Variants in ARHGEF9 observed in about 807,000 individuals in gnomAD.
The protein encoded by ARHGEF9 is rho guanine nucleotide exchange factor 9.
In ARHGEF9, 2 loss-of-function variants were observed where a neutral mutation model predicts 41.3. The observed-to-expected ratio is 0.05, with a 90% CI of 0.02 to 0.15. The LOEUF (loss-of-function observed/expected upper bound fraction) is 0.15. Ranked by LOEUF, ARHGEF9 falls within the 10% of genes least tolerant of loss-of-function variation. The pLI is 1.00. For synonymous variants in ARHGEF9, 160 were observed against 154.4 expected, an observed-to-expected ratio of 1.04 and a Z score of -0.27; for missense variants, 225 against 424.7, an observed-to-expected ratio of 0.53 and a Z score of 4.13.
At chrX:63,667,628 A>T (rs1367417186) in intron 6 of ARHGEF9, among the ~76,000 whole-genome samples, 1 of 110,763 alleles carries the variant, frequency 9.0e-6, no homozygotes, top group East Asian at 2.9e-4. Flanking sequence ...ATTCGAGCAT[A>T]CCATTTTTTT....
intron 1 of ARHGEF9, among the ~76,000 whole-genome samples, chrX:63,777,471 C>T (rs2056312181): frequency 1.8e-5 from 2 of 111,434 alleles, no homozygotes; most frequent in African/African-American, 3.3e-5. Flanking sequence ...CATGTCCTCA[C>T]ATTTCAGAAC....
rs150427293 is a variant in ARHGEF9 at position 63,732,769 on chromosome X, G to A, written c.31-8058C>T. ...CACCTCCAGTCCCACATTTCCTACT[G>A]CCTGCTCAACATTTCACTGGATGGC... is the stretch of plus-strand genomic sequence containing the variant. On this transcript the variant is annotated intron_variant, in intron 1 of 9. Transcript: ENST00000671741. Among the ~76,000 whole-genome samples the A allele has an allele frequency of 2.9e-4, 32 of 111,207 alleles. No homozygotes were observed. In the East Asian group the frequency reaches 8.6e-3, roughly 30 times the overall value.
intron 2 of ARHGEF9, among the ~76,000 whole-genome samples, chrX:63,717,446 T>C (rs1397717855): frequency 3.6e-5 from 4 of 112,288 alleles, no homozygotes; most frequent in East Asian, 5.6e-4. Flanking sequence ...GGGCCTTGCA[T>C]GCCCGGATGG....
chrX:63,737,620 C>T (rs1427680738), intron 1 of ARHGEF9, among the ~76,000 whole-genome samples: 1 of 112,384 alleles, frequency 8.9e-6, no homozygotes, highest in Non-Finnish European at 1.9e-5. Flanking sequence ...GCCTTTTCCA[C>T]CCAGTTCAGA....
At chrX:63,784,184 A>G (rs1465350743) in intron 1 of ARHGEF9, among the ~76,000 whole-genome samples, 4 of 112,045 alleles carry the variant, frequency 3.6e-5, no homozygotes, top group African/African-American at 1.3e-4. Flanking sequence ...CTGCCTTCTA[A>G]GGCCCTTTTG....
At position 63,785,158 on chromosome X, in the gene ARHGEF9, G is replaced by C; in HGVS notation, c.-13C>G. 8.6e-7 allele frequency: 1 copy of C among 1,164,103 alleles called. No individual in the cohort carries two copies. The highest frequency in any genetic ancestry group is 1.9e-5 in the South Asian group (1 of 52,320). ...TTATCCACTGCATGGTGCTTGCGAA[G>C]TCCGGCTTCTCTGAGGCCCCGTAGC... On this transcript the variant is annotated 5_prime_UTR_variant, in exon 1 of 10. Transcript: ENST00000671741.
chrX:63,741,556 C>A (rs1339772842), intron 1 of ARHGEF9, among the ~76,000 whole-genome samples: 2 of 112,347 alleles, frequency 1.8e-5, no homozygotes, highest in African/African-American at 6.5e-5. Context: ...AAGTGTGACT[C>A]AACACTCAAG....
At chrX:63,691,122 T>A (rs1487664323) in intron 4 of ARHGEF9, among the ~76,000 whole-genome samples, 3 of 111,981 alleles carry the variant, frequency 2.7e-5, no homozygotes, top group African/African-American at 9.7e-5. Context: ...TAGTACTGCA[T>A]GTTCTAGCCA....
intron 4 of ARHGEF9, among the ~76,000 whole-genome samples, chrX:63,683,512 A>G (rs781911354): frequency 3.6e-5 from 4 of 111,858 alleles, no homozygotes; most frequent in Non-Finnish European, 7.5e-5. Flanking sequence ...TAAAATTTCT[A>G]TGGAACCAAA....
chrX:63,635,315 T>C lies in ARHGEF9; in HGVS notation c.*2713A>G, dbSNP rs782525508. On this transcript the variant is annotated 3_prime_UTR_variant, in exon 10 of 10. Coordinates refer to ENST00000671741, the MANE Select transcript of ARHGEF9 (RefSeq NM_001353921.2). ...GAAAAAGAGAGAATAATTAGATGTC[T>C]GTCTTAGGACTCCCCACAGCAGGTC... The C allele has an allele frequency of 6.3e-4, 329 of 518,824 alleles. No homozygotes were observed. The highest frequency in any genetic ancestry group is 4.4e-4 in the Non-Finnish European group (124 of 284,995). The allele number at this position is 518,824 out of a possible 1,213,427, so 42.8% of individuals were successfully genotyped here.
chrX:63,735,714 C>T (rs1448318438), intron 1 of ARHGEF9, among the ~76,000 whole-genome samples: 1 of 111,600 alleles, frequency 9.0e-6, no homozygotes, highest in Admixed American at 9.5e-5. Context: ...TAACTGAAAC[C>T]ACCTTTACGT....
chrX:63,774,916 A>G (rs1401742348), intron 1 of ARHGEF9, among the ~76,000 whole-genome samples: 6 of 112,224 alleles, frequency 5.3e-5, no homozygotes, highest in Admixed American at 1.9e-4. Flanking sequence ...AAAACTATGT[A>G]TCCAACAAAG....
chrX:63,696,673 G>A (rs868990685), intron 4 of ARHGEF9, among the ~76,000 whole-genome samples: 1 of 111,508 alleles, frequency 9.0e-6, no homozygotes, highest in Non-Finnish European at 1.9e-5. Context: ...CCAAAATACT[G>A]AGTCTCATGG....
At chrX:63,785,049 G>A in intron 1 of ARHGEF9, 67 bp downstream of exon 1, 1 of 1,136,640 alleles carries the variant, frequency 8.8e-7, no homozygotes, top group African/African-American at 1.8e-5. Flanking sequence ...GCTCGTTGGA[G>A]GAACTGGAGG....
chrX:63,743,951 TC>T (rs1224775829), intron 1 of ARHGEF9, among the ~76,000 whole-genome samples: 1 of 111,746 alleles, frequency 8.9e-6, no homozygotes, highest in Non-Finnish European at 1.9e-5. Context: ...AAAACAGCTT[TC>T]CACCAAGCAC....
Position 63,635,043 on chromosome X carries a change from A to T in ARHGEF9, c.*2985T>A, listed in dbSNP as rs1556294984. On this transcript the variant is annotated 3_prime_UTR_variant, in exon 10 of 10. Transcript: ENST00000671741. ...TGTCATTACAACATTTTTTTTGTTA[A>T]ACATTTTTTAACACACAACTTTGAC... is the stretch of plus-strand genomic sequence containing the variant. 1.1e-5 allele frequency: 3 copies of T among 274,798 alleles called. No individual in the cohort carries two copies. Among genetic ancestry groups the T allele is most frequent in the Non-Finnish European group, 1.9e-5 (3 of 159,655 alleles). The allele number at this position is 274,798 out of a possible 1,213,427, so 22.6% of individuals were successfully genotyped here.
At chrX:63,772,293 T>C (rs1556455363) in intron 1 of ARHGEF9, among the ~76,000 whole-genome samples, 1 of 111,640 alleles carries the variant, frequency 9.0e-6, no homozygotes, top group East Asian at 2.8e-4. Context: ...CCTTCCTCTA[T>C]CCAACTCCAA....
At chrX:63,676,284 A>G (rs1229846722) in intron 5 of ARHGEF9, among the ~76,000 whole-genome samples, 1 of 112,378 alleles carries the variant, frequency 8.9e-6, no homozygotes, top group African/African-American at 3.2e-5. Flanking sequence ...AATATGTTAG[A>G]AAAGTCTTTA....
chrX:63,772,690 C>T (rs1556455633), intron 1 of ARHGEF9, among the ~76,000 whole-genome samples: 3 of 111,407 alleles, frequency 2.7e-5, no homozygotes, highest in African/African-American at 9.8e-5. Context: ...CTGAACCACA[C>T]TAACTTTGAG....
Sources: gnomAD v4.1 joint callset for allele counts (sites outside exome capture counted in the v4.1 genomes callset) on GRCh38, gnomAD v4.1.1 for gene constraint, MANE v1.5 for transcripts, NCBI Gene and HGNC (gene_info 2026-07-23, HGNC 2026-07-21) for gene names.